The following LARP4B variants were observed in gnomAD, a reference collection of about 807,000 sequenced individuals.
The protein encoded by LARP4B is La ribonucleoprotein 4B, also known as la-related protein 4B.
A neutral mutation model predicts 89.8 loss-of-function variants in LARP4B; 12 were observed. That is an observed-to-expected ratio of 0.13 (90% CI 0.09 to 0.22). The LOEUF (loss-of-function observed/expected upper bound fraction) is 0.22. LARP4B is among the 10% of genes least tolerant of loss of function. The pLI is 1.00. For missense variants in LARP4B, 757 were observed against 947.7 expected (o/e 0.80, Z 2.64); for synonymous variants, 367 against 363.3 (o/e 1.01, Z -0.12).
the LARP4B span, among the ~76,000 whole-genome samples, chr10:941,699 G>T: frequency 6.6e-6 from 1 of 152,182 alleles, no homozygotes. Flanking sequence ...TACCAGAAGA[G>T]CAATGCTTTT....
At chr10:922,833 G>A (rs1432930895) in intron 1 of LARP4B, among the ~76,000 whole-genome samples, 1 of 152,228 alleles carries the variant, frequency 6.6e-6, no homozygotes, top group African/African-American at 2.4e-5. Flanking sequence ...AACACTTTGG[G>A]AGGCCAAGGC....
intron 7 of LARP4B, among the ~76,000 whole-genome samples, chr10:837,116 A>G (rs759104909): frequency 2.6e-5 from 4 of 152,232 alleles, no homozygotes; most frequent in Admixed American, 6.5e-5. Context: ...TCAACAGGAA[A>G]AAGATAACAA....
At chr10:866,952 G>C (rs906899217) in intron 3 of LARP4B, among the ~76,000 whole-genome samples, 2 of 152,192 alleles carry the variant, frequency 1.3e-5, no homozygotes, top group South Asian at 4.1e-4. Context: ...CTGTAGTACT[G>C]CTGATAGCCA....
At chr10:910,549 T>TG (rs1482738479) in intron 1 of LARP4B, among the ~76,000 whole-genome samples, 2 of 152,210 alleles carry the variant, frequency 1.3e-5, no homozygotes, top group Non-Finnish European at 2.9e-5. Context: ...AGATTTTACT[T>TG]GGACTGTTTT....
At chr10:922,922 G>C (rs1282819676) in intron 1 of LARP4B, among the ~76,000 whole-genome samples, 1 of 151,904 alleles carries the variant, frequency 6.6e-6, no homozygotes, top group Non-Finnish European at 1.5e-5. Flanking sequence ...AAAATACAAA[G>C]AAATCAGCTG....
At chr10:836,700 G>A (rs967953956) in intron 7 of LARP4B, among the ~76,000 whole-genome samples, 194 bp from the exon 8 acceptor site, 1 of 152,192 alleles carries the variant, frequency 6.6e-6, no homozygotes, top group African/African-American at 2.4e-5. Flanking sequence ...GAGCCATAAT[G>A]TATGTAACAC....
chr10:840,033 G>A (rs537866316), intron 7 of LARP4B, among the ~76,000 whole-genome samples: 6 of 151,794 alleles, frequency 4.0e-5, no homozygotes, highest in Non-Finnish European at 8.8e-5. Context: ...TTGCATAATC[G>A]ACTCCATTTA....
chr10:870,641 G>T (rs116650419), intron 3 of LARP4B, among the ~76,000 whole-genome samples: 1 of 152,146 alleles, frequency 6.6e-6, no homozygotes, highest in South Asian at 2.1e-4. Flanking sequence ...ACGTTCACTC[G>T]TCCCACATGG....
rs1031005558 is a variant in LARP4B, at chr10:843,204, T to C, written c.510-136A>G. On this transcript the variant is annotated intron_variant, in intron 6 of 17. Coordinates refer to ENST00000316157, the MANE Select transcript of LARP4B (RefSeq NM_015155.3). ...GTTAAATCTCAGCCCAGGACCCATC[T>C]GTTATTTGCTGTCTCTCCAGCCTCA... is the stretch of plus-strand genomic sequence containing the variant. 6 of 771,206 alleles carry C rather than the reference T, an allele frequency of 7.8e-6. No homozygotes were observed. The South Asian group carries it at 1.2e-4, about 15-fold the overall frequency. The allele number at this position is 771,206 out of a possible 1,614,324, so 47.8% of individuals were successfully genotyped here. A position where few individuals can be genotyped will look rare whatever the true frequency, so the allele number is the denominator to read the frequency against.
At chr10:909,032 T>C (rs11253503) in intron 1 of LARP4B, among the ~76,000 whole-genome samples, 52,216 of 151,988 alleles carry the variant, frequency 0.34, 9,610 homozygotes, top group East Asian at 0.62. Flanking sequence ...CGGTGGCTCA[T>C]GCCTGTAATC....
chr10:937,776 T>C, the LARP4B span, among the ~76,000 whole-genome samples: 1 of 152,218 alleles, frequency 6.6e-6, no homozygotes, highest in Non-Finnish European at 1.5e-5. Flanking sequence ...TATAGGAGAC[T>C]AAGGAGAGAA....
chr10:927,982 G>A (rs1281668604), intron 1 of LARP4B, among the ~76,000 whole-genome samples: 1 of 152,068 alleles, frequency 6.6e-6, no homozygotes, highest in African/African-American at 2.4e-5. Flanking sequence ...GGAGGCCGAG[G>A]CGGGCGAATC....
chr10:976,676 G>A, the LARP4B span, among the ~76,000 whole-genome samples: 8 of 151,218 alleles, frequency 5.3e-5, 1 homozygote, highest in South Asian at 1.7e-3. Flanking sequence ...GGCCTGTCAC[G>A]TGATGTGTGG....
chr10:825,751 C>T lies in LARP4B; in HGVS notation c.1232+13G>A. 6.3e-7 allele frequency: 1 copy of T among 1,599,714 alleles called. No homozygotes were observed. Among genetic ancestry groups the T allele is most frequent in the Non-Finnish European group, 8.6e-7 (1 of 1,168,078 alleles). ...GTAAAGACCAAAACTGCTAAGACCG[C>T]CCCGGAACTTGCCTGCTTCGAGGAG... On this transcript the variant is annotated intron_variant, in intron 12 of 17. Transcript: ENST00000316157.
At chr10:813,261 G>A in intron 17 of LARP4B, 48 bp from the exon 18 acceptor site, 1 of 1,497,030 alleles carries the variant, frequency 6.7e-7, no homozygotes, top group Non-Finnish European at 8.9e-7. Context: ...GTGTCTCTAG[G>A]GACAAGACAG....
chr10:830,584 T>G (rs908281734), intron 9 of LARP4B, among the ~76,000 whole-genome samples: 13 of 152,152 alleles, frequency 8.5e-5, no homozygotes, highest in Non-Finnish European at 8.8e-5. Context: ...ACTTTGCAAA[T>G]AGTAAAACTT....
chr10:900,919 CTT>C (rs34586444), intron 1 of LARP4B, among the ~76,000 whole-genome samples: 11 of 101,180 alleles, frequency 1.1e-4, no homozygotes, highest in African/African-American at 1.2e-4. Flanking sequence ...CGCCTGGCCT[CTT>C]TTTTTTTTTT....
chr10:944,105 C>T, the LARP4B span, among the ~76,000 whole-genome samples: 12 of 152,074 alleles, frequency 7.9e-5, no homozygotes, highest in East Asian at 9.6e-4. Flanking sequence ...CTTTAGAATT[C>T]GTGGTAAAGT....
rs527848786 is a variant in LARP4B, at chr10:811,515, G to A, written c.*1411C>T. On this transcript the variant is annotated 3_prime_UTR_variant, in exon 18 of 18. Transcript: ENST00000316157. ...GCTTACTCAGTAAAACTAGCGACAG[G>A]AGATCCACGCAGTAACTGAGTAACT... The A allele has an allele frequency of 6.5e-6, 1 of 152,718 alleles. No individual in the cohort carries two copies. The highest frequency in any genetic ancestry group is 2.1e-4 in the South Asian group (1 of 4,822). The allele number at this position is 152,718 out of a possible 1,614,324, so 9.5% of individuals were successfully genotyped here.
Sources: allele counts gnomAD v4.1 joint callset (sites outside exome capture counted in the v4.1 genomes callset), GRCh38; gene constraint gnomAD v4.1.1; transcripts MANE v1.5; gene names NCBI Gene and HGNC (gene_info 2026-07-23, HGNC 2026-07-21).